SH3BGRL2: variants seen among roughly 807,000 people sequenced by gnomAD.
SH3BGRL2 encodes SH3 domain binding glutamate rich protein like 2, also known as SH3 domain-binding glutamic acid-rich-like protein 2.
In SH3BGRL2, 21 loss-of-function variants were observed where a neutral mutation model predicts 14.8. The observed-to-expected ratio is 1.42, with a 90% confidence interval of 1.01 to 2.05. The LOEUF (loss-of-function observed/expected upper bound fraction) is 2.05. Ranked by LOEUF, SH3BGRL2 falls within the 30% of genes most tolerant of loss-of-function variation. The pLI, the probability that SH3BGRL2 is intolerant of heterozygous loss-of-function variation, is 0.00. For synonymous variants in SH3BGRL2, 50 were observed against 47.8 expected (o/e 1.05, Z -0.19); for missense variants, 147 against 130.8 (o/e 1.12, Z -0.61).
At chr6:79,558,142 G>A in the SH3BGRL2 span, among the ~76,000 whole-genome samples, 1 of 152,300 alleles carries the variant, frequency 6.6e-6, no homozygotes, top group South Asian at 2.1e-4. Context: ...TGTAAGGAAG[G>A]AGAAGATACA....
chr6:79,563,245 G>A, the SH3BGRL2 span, among the ~76,000 whole-genome samples: 1 of 151,444 alleles, frequency 6.6e-6, no homozygotes, highest in Non-Finnish European at 1.5e-5. Flanking sequence ...CCAAAGTGCT[G>A]GGATTACAGG....
the SH3BGRL2 span, among the ~76,000 whole-genome samples, chr6:79,542,621 C>A: frequency 6.6e-6 from 1 of 152,146 alleles, no homozygotes; most frequent in Non-Finnish European, 1.5e-5. Context: ...CTGCATTTCC[C>A]AGACACCCTT....
At chr6:79,626,499 T>A (rs1457316335), upstream of SH3BGRL2, among the ~76,000 whole-genome samples, 1 of 152,114 alleles carries the variant, frequency 6.6e-6, no homozygotes, top group Non-Finnish European at 1.5e-5. Flanking sequence ...CTAGCTTCTG[T>A]CTCTACCCCT....
At position 79,699,558 on chromosome 6, in the gene SH3BGRL2, A is replaced by T; in HGVS notation, c.*49A>T. 1 of 1,536,198 alleles carries T rather than the reference A, an allele frequency of 6.5e-7. No individual in the cohort carries two copies. Among genetic ancestry groups the T allele is most frequent in the South Asian group, 1.3e-5 (1 of 77,496 alleles). The stretch of plus-strand genomic sequence containing the variant: ...AGATGCATTTTGAAGCACCCCTGGT[A>T]CTCAGCACACACATGCTTACCTAAT... On this transcript the variant is annotated 3_prime_UTR_variant, in exon 4 of 4. Coordinates refer to ENST00000369838, the MANE Select transcript of SH3BGRL2 (RefSeq NM_031469.4).
chr6:79,701,823 A>G lies in SH3BGRL2; in HGVS notation c.*2314A>G, dbSNP rs1770464305. 2.0e-5 allele frequency: 3 copies of G among 152,532 alleles called. No homozygotes were observed. 9.4% of individuals were successfully genotyped at this position (152,532 alleles called of 1,614,324 possible). ...TCAGCTGATTTTGAAACATATAATA[A>G]TGATTTTCTTGTTCCCTTCTTTAAC... is the stretch of plus-strand genomic sequence containing the variant. On this transcript the variant is annotated 3_prime_UTR_variant, in exon 4 of 4. Transcript: ENST00000369838.
the SH3BGRL2 span, among the ~76,000 whole-genome samples, chr6:79,559,521 T>C: frequency 6.6e-6 from 1 of 152,112 alleles, no homozygotes; most frequent in African/African-American, 2.4e-5. Flanking sequence ...AGAAAAACTA[T>C]GGAAATGTTC....
rs534286418 is a variant in SH3BGRL2 at position 79,651,388 on chromosome 6, T to C, written c.45+19882T>C. Among the ~76,000 whole-genome samples, 8 of 152,310 alleles carry C rather than the reference T, an allele frequency of 5.3e-5. No individual in the cohort carries two copies. The South Asian group carries it at 1.2e-3, about 24-fold the overall frequency. The stretch of plus-strand genomic sequence containing the variant: ...ATTCATATTTTATGCTTGGCTGACT[T>C]TTTTCTTTAGAAAATAAACATACAA... On this transcript the variant is annotated intron_variant, in intron 1 of 3. Coordinates refer to ENST00000369838, the MANE Select transcript of SH3BGRL2 (RefSeq NM_031469.4).
At chr6:79,583,345 C>T in the SH3BGRL2 span, among the ~76,000 whole-genome samples, 14 of 152,228 alleles carry the variant, frequency 9.2e-5, no homozygotes, top group African/African-American at 2.2e-4. Context: ...ATGTTTATTG[C>T]GGCACTATTT....
intron 1 of SH3BGRL2, among the ~76,000 whole-genome samples, chr6:79,665,695 C>A (rs544249714): frequency 6.6e-6 from 1 of 152,248 alleles, no homozygotes; most frequent in East Asian, 1.9e-4. Context: ...TAGTAAGTGC[C>A]AGGGACTGTG....
At chr6:79,540,040 G>C in the SH3BGRL2 span, among the ~76,000 whole-genome samples, 2 of 152,080 alleles carry the variant, frequency 1.3e-5, no homozygotes, top group African/African-American at 4.8e-5. Flanking sequence ...TAGATTCTAG[G>C]TAAATAGTTG....
At chr6:79,615,510 CACTT>C in the SH3BGRL2 span, among the ~76,000 whole-genome samples, 1 of 152,122 alleles carries the variant, frequency 6.6e-6, no homozygotes, top group South Asian at 2.1e-4. Flanking sequence ...CAAGATAAAG[CACTT>C]ACCAGACAAA....
At chr6:79,694,430 T>C (rs968675992) in intron 2 of SH3BGRL2, among the ~76,000 whole-genome samples, 1 of 152,238 alleles carries the variant, frequency 6.6e-6, no homozygotes, top group African/African-American at 2.4e-5. Context: ...TTACAAAGAA[T>C]GTAACATTTT....
At chr6:79,689,158 T>C (rs754757130) in intron 2 of SH3BGRL2, among the ~76,000 whole-genome samples, 1 of 152,166 alleles carries the variant, frequency 6.6e-6, no homozygotes, top group Non-Finnish European at 1.5e-5. Flanking sequence ...TGATTTTCTT[T>C]AAATCATTCT....
chr6:79,540,151 T>C, the SH3BGRL2 span, among the ~76,000 whole-genome samples: 1 of 152,210 alleles, frequency 6.6e-6, no homozygotes, highest in East Asian at 1.9e-4. Flanking sequence ...AACAGTATAA[T>C]TGGCCGGGTG....
the SH3BGRL2 span, among the ~76,000 whole-genome samples, chr6:79,581,548 A>C: frequency 2.6e-5 from 4 of 152,254 alleles, no homozygotes; most frequent in Non-Finnish European, 5.9e-5. Flanking sequence ...CCACATGATT[A>C]TCTCAATAGA....
chr6:79,625,199 CACACAT>C, the SH3BGRL2 span, among the ~76,000 whole-genome samples: 21 of 144,114 alleles, frequency 1.5e-4, no homozygotes, highest in African/African-American at 6.0e-4. Flanking sequence ...TATATACACA[CACACAT>C]ACATATATAT....
the SH3BGRL2 span, among the ~76,000 whole-genome samples, chr6:79,613,794 G>A: frequency 6.6e-6 from 1 of 152,018 alleles, no homozygotes; most frequent in South Asian, 2.1e-4. Flanking sequence ...TTTTAGCAGA[G>A]ATGGGGTTTC....
chr6:79,559,697 G>A, the SH3BGRL2 span, among the ~76,000 whole-genome samples: 3 of 152,162 alleles, frequency 2.0e-5, no homozygotes, highest in African/African-American at 7.2e-5. Context: ...ATGTACTGAC[G>A]TTGATAATCA....
the SH3BGRL2 span, among the ~76,000 whole-genome samples, chr6:79,543,717 G>A: frequency 6.6e-6 from 1 of 152,122 alleles, no homozygotes; most frequent in South Asian, 2.1e-4. Context: ...TGTTGAAGGA[G>A]AGGAGCCTCC....
Sources: allele counts gnomAD v4.1 joint callset (sites outside exome capture counted in the v4.1 genomes callset), GRCh38; gene constraint gnomAD v4.1.1; transcripts MANE v1.5; gene names NCBI Gene and HGNC (gene_info 2026-07-23, HGNC 2026-07-21).